The following ITFG1 variants were observed in gnomAD, a reference collection of about 807,000 sequenced individuals.
ITFG1 encodes T-cell immunomodulatory protein.
ITFG1 carries 34 observed loss-of-function variants against 81.8 expected under a neutral mutation model. The ratio of observed to expected loss-of-function variants is 0.42; its 90% confidence interval spans 0.32 to 0.55. The LOEUF is 0.55. ITFG1 is among the 20% of genes least tolerant of loss of function. The pLI, the probability that ITFG1 is intolerant of heterozygous loss-of-function variation, is 0.17. For missense variants in ITFG1, 672 were observed against 755.4 expected, an observed-to-expected ratio of 0.89 and a Z score of 1.29; for synonymous variants, 285 against 270.6, an observed-to-expected ratio of 1.05 and a Z score of -0.52.
At chr16:47,231,425 G>A (rs557554648) in intron 13 of ITFG1, among the ~76,000 whole-genome samples, 1 of 152,058 alleles carries the variant, frequency 6.6e-6, no homozygotes. Context: ...CAGAAAACAG[G>A]AATATAAATA....
chr16:47,452,906 C>G (rs2111227), intron 3 of ITFG1, 116 bp from the exon 4 acceptor site: 1 of 555,934 alleles, frequency 1.8e-6, no homozygotes, highest in Non-Finnish European at 3.1e-6. Context: ...TGATTTATTC[C>G]AACTATTATC....
At chr16:47,336,182 G>C (rs1967701504) in intron 8 of ITFG1, among the ~76,000 whole-genome samples, 1 of 152,174 alleles carries the variant, frequency 6.6e-6, no homozygotes, top group South Asian at 2.1e-4. Flanking sequence ...CAGCAAAATG[G>C]CAGAGTAGGC....
chr16:47,231,039 C>T (rs762145489), intron 13 of ITFG1, among the ~76,000 whole-genome samples: 6 of 152,204 alleles, frequency 3.9e-5, no homozygotes, highest in African/African-American at 1.2e-4. Flanking sequence ...TGAGCCACCG[C>T]GCCCAGCCCA....
At chr16:47,328,215 G>T (rs879120105) in intron 8 of ITFG1, among the ~76,000 whole-genome samples, 1 of 151,970 alleles carries the variant, frequency 6.6e-6, no homozygotes, top group South Asian at 2.1e-4. Flanking sequence ...GGAAACTATC[G>T]CAAGGTCAAA....
intron 10 of ITFG1, among the ~76,000 whole-genome samples, chr16:47,292,550 T>G (rs1185382807): frequency 6.6e-6 from 1 of 152,158 alleles, no homozygotes; most frequent in Non-Finnish European, 1.5e-5. Flanking sequence ...AGGCTACAAG[T>G]GCAGTTTTTT....
intron 14 of ITFG1, among the ~76,000 whole-genome samples, chr16:47,163,999 G>C (rs137868715): frequency 6.6e-6 from 1 of 150,618 alleles, no homozygotes; most frequent in African/African-American, 2.4e-5. Flanking sequence ...GGCCCTGTAG[G>C]CACATTTTCT....
intron 14 of ITFG1, among the ~76,000 whole-genome samples, chr16:47,182,113 C>T (rs1258105649): frequency 1.3e-5 from 2 of 151,920 alleles, no homozygotes; most frequent in African/African-American, 4.8e-5. Context: ...TGCTGACCTT[C>T]CCTCCACTAT....
intron 8 of ITFG1, among the ~76,000 whole-genome samples, chr16:47,331,804 T>C (rs1259309556): frequency 6.6e-6 from 1 of 152,322 alleles, no homozygotes; most frequent in South Asian, 2.1e-4. Flanking sequence ...TTAGGTGTTG[T>C]TAGTAATTTT....
intron 2 of ITFG1, among the ~76,000 whole-genome samples, 173 bp from the exon 3 acceptor site, chr16:47,454,331 T>TA (rs1567505945): frequency 6.6e-6 from 1 of 152,170 alleles, no homozygotes; most frequent in African/African-American, 2.4e-5. Flanking sequence ...CTCTTTGGTC[T>TA]AAAAAAGAGT....
intron 8 of ITFG1, among the ~76,000 whole-genome samples, chr16:47,349,531 C>A (rs1050962039): frequency 6.6e-6 from 1 of 152,072 alleles, no homozygotes; most frequent in Non-Finnish European, 1.5e-5. Context: ...ATATATGCAC[C>A]CAATACAGGA....
intron 10 of ITFG1, among the ~76,000 whole-genome samples, chr16:47,264,942 G>A (rs1487685903): frequency 1.3e-5 from 2 of 152,000 alleles, no homozygotes; most frequent in African/African-American, 2.4e-5. Context: ...TATTGTTAGA[G>A]ACTTTAGCCA....
At chr16:47,374,714 C>A (rs941818726) in intron 7 of ITFG1, among the ~76,000 whole-genome samples, 3 of 151,942 alleles carry the variant, frequency 2.0e-5, no homozygotes, top group Non-Finnish European at 2.9e-5. Context: ...AAAAGTAGTA[C>A]ATTAAATAAG....
At chr16:47,241,113 T>C (rs1343020584) in intron 12 of ITFG1, among the ~76,000 whole-genome samples, 2 of 151,166 alleles carry the variant, frequency 1.3e-5, no homozygotes, top group Non-Finnish European at 2.9e-5. Flanking sequence ...TTATACACAC[T>C]AAGATGGTTA....
At chr16:47,202,885 C>G (rs1175595896) in intron 14 of ITFG1, among the ~76,000 whole-genome samples, 1 of 152,124 alleles carries the variant, frequency 6.6e-6, no homozygotes, top group Non-Finnish European at 1.5e-5. Flanking sequence ...AAACTGCACC[C>G]TGTGTACTGT....
chr16:47,188,373 A>C (rs561175598), intron 14 of ITFG1, among the ~76,000 whole-genome samples: 6 of 151,942 alleles, frequency 3.9e-5, no homozygotes, highest in East Asian at 1.9e-4. Flanking sequence ...CAAATGTCCA[A>C]CAATGATAGA....
intron 8 of ITFG1, among the ~76,000 whole-genome samples, chr16:47,315,035 C>T (rs1293496902): frequency 6.6e-6 from 1 of 151,984 alleles, no homozygotes; most frequent in Non-Finnish European, 1.5e-5. Context: ...ATTAAAAATG[C>T]ACAACAAAGT....
intron 14 of ITFG1, among the ~76,000 whole-genome samples, chr16:47,193,807 G>C (rs1200097666): frequency 6.6e-6 from 1 of 152,116 alleles, no homozygotes; most frequent in East Asian, 1.9e-4. Flanking sequence ...ATTATGGTTA[G>C]TAAACTGTTC....
At chr16:47,397,070 C>G (rs1033865586) in intron 6 of ITFG1, among the ~76,000 whole-genome samples, 2 of 152,106 alleles carry the variant, frequency 1.3e-5, no homozygotes, top group East Asian at 3.9e-4. Flanking sequence ...TGGCAGAAAC[C>G]TCATAGGAGG....
chr16:47,388,963 T>G (rs973165478), intron 6 of ITFG1, among the ~76,000 whole-genome samples: 1 of 152,148 alleles, frequency 6.6e-6, no homozygotes, highest in East Asian at 1.9e-4. Flanking sequence ...TCCCTCAAGA[T>G]ATAAGGAATG....
Sources: gnomAD v4.1 joint callset for allele counts (sites outside exome capture counted in the v4.1 genomes callset) on GRCh38, gnomAD v4.1.1 for gene constraint, MANE v1.5 for transcripts, NCBI Gene and HGNC (gene_info 2026-07-23, HGNC 2026-07-21) for gene names.